Variants in CAGE1 observed in about 807,000 individuals in gnomAD.
CAGE1 encodes the protein cancer-associated gene 1 protein.
In CAGE1, 66 loss-of-function variants were observed where a neutral mutation model predicts 94.9. That is an observed-to-expected ratio of 0.70 (90% CI 0.57 to 0.85). The LOEUF (loss-of-function observed/expected upper bound fraction) is 0.85. CAGE1 is among the 40% of genes least tolerant of loss of function. CAGE1 has a pLI of 0.00. For synonymous variants in CAGE1, 319 were observed against 321.0 expected (o/e 0.99, Z 0.07); for missense variants, 865 against 950.4 (o/e 0.91, Z 1.18).
intron 9 of CAGE1, among the ~76,000 whole-genome samples, chr6:7,363,507 C>G (rs958758291): frequency 6.6e-6 from 1 of 152,160 alleles, no homozygotes; most frequent in Non-Finnish European, 1.5e-5. Flanking sequence ...CAGTTATTCC[C>G]TCTCCTTCCC....
intron 9 of CAGE1, among the ~76,000 whole-genome samples, chr6:7,364,624 G>A (rs1014341839): frequency 3.3e-5 from 5 of 151,824 alleles, no homozygotes; most frequent in Admixed American, 6.6e-5. Flanking sequence ...GCCTGCCACC[G>A]CGCCCGGCTA....
intron 11 of CAGE1, among the ~76,000 whole-genome samples, chr6:7,351,382 G>A (rs1007100707): frequency 6.6e-6 from 1 of 151,958 alleles, no homozygotes; most frequent in African/African-American, 2.4e-5. Context: ...AAGAAGAATT[G>A]GTAGCAATCC....
intron 11 of CAGE1, among the ~76,000 whole-genome samples, chr6:7,348,750 A>G (rs1189327983): frequency 6.6e-6 from 1 of 152,218 alleles, no homozygotes; most frequent in Admixed American, 6.5e-5. Context: ...GGACACACTT[A>G]TAGAAATGCA....
In CAGE1 at chr6:7,339,661, TATG is replaced by T. The variant is rs922361571; in HGVS notation, c.2370-5574_2370-5572del. The T allele has an allele frequency of 4.3e-5, 26 of 599,426 alleles. No homozygotes were observed. In the African/African-American group the frequency reaches 4.8e-4, roughly 11 times the overall value. The allele number at this position is 599,426 out of a possible 1,614,324, so 37.1% of individuals were successfully genotyped here. ...TAGCTCCCACTTATGAGTGAGAACA[TATG>T]ATGTTTGGTTTTCCATTCCTGAGCT... On this transcript the variant is annotated intron_variant, in intron 11 of 13. Transcript: ENST00000502583. This position sits in a 1 kb window ranked among gnomAD's most constrained non-coding sequence, Gnocchi z 4.7.
At chr6:7,329,453 C>T (rs962179048) in intron 13 of CAGE1, among the ~76,000 whole-genome samples, 4 of 152,094 alleles carry the variant, frequency 2.6e-5, no homozygotes, top group African/African-American at 9.7e-5. Context: ...TGATTGGGAA[C>T]CACTGAAGGG....
rs1761251533 is a variant in CAGE1, at chr6:7,389,319, A to G, written c.-141T>C. On this transcript the variant is annotated 5_prime_UTR_variant, in exon 1 of 14. Transcript: ENST00000502583. ...ATAGTTTCTTGGACCCACGCTACGG[A>G]CCTGGCTCTCCCTCCCTCTGCACCG... 2.0e-5 allele frequency: 9 copies of G among 456,112 alleles called. No homozygotes were observed. The allele number at this position is 456,112 out of a possible 1,614,324, so 28.3% of individuals were successfully genotyped here.
chr6:7,369,027 G>A (rs1434624338), intron 6 of CAGE1, among the ~76,000 whole-genome samples: 2 of 115,222 alleles, frequency 1.7e-5, no homozygotes, highest in East Asian at 4.9e-4. Flanking sequence ...TTTTTTTTTT[G>A]AGATAGAGTT....
rs148915006 is a variant in CAGE1, at chr6:7,339,581, C to T, written c.2370-5491G>A. 1,501 of 748,332 alleles carry T rather than the reference C, an allele frequency of 2.0e-3. 4 individuals are homozygous for T. Among genetic ancestry groups the T allele is most frequent in the Admixed American group, 3.0e-3 (169 of 55,796 alleles). The allele number at this position is 748,332 out of a possible 1,614,324, so 46.4% of individuals were successfully genotyped here. A position where few individuals can be genotyped will look rare whatever the true frequency, so the allele number is the denominator to read the frequency against. ...TTTGTAAGGCGATCTTGCCGCCATGCTCCGCTGAAAGGAAAGGCACTGTAT... is the reference window on the plus strand; with the variant it reads ...TTTGTAAGGCGATCTTGCCGCCATGTTCCGCTGAAAGGAAAGGCACTGTAT... On this transcript the variant is annotated intron_variant, in intron 11 of 13. Coordinates refer to ENST00000502583, the MANE Select transcript of CAGE1 (RefSeq NM_001170692.2). This position sits in a 1 kb window ranked among gnomAD's most constrained non-coding sequence, Gnocchi z 4.7.
At chr6:7,330,364 G>A (rs945269074) in intron 12 of CAGE1, among the ~76,000 whole-genome samples, 8 of 152,176 alleles carry the variant, frequency 5.3e-5, no homozygotes, top group Non-Finnish European at 1.2e-4. Context: ...TGCAGCCTGG[G>A]TAGCAGAGTG....
intron 11 of CAGE1, among the ~76,000 whole-genome samples, chr6:7,335,013 C>A (rs541428135): frequency 6.6e-6 from 1 of 152,172 alleles, no homozygotes; most frequent in East Asian, 1.9e-4. Context: ...TCTAGAAGCT[C>A]GAGAGGAGAA....
intron 4 of CAGE1, among the ~76,000 whole-genome samples, chr6:7,375,792 A>G (rs1760721056): frequency 6.6e-6 from 1 of 152,208 alleles, no homozygotes; most frequent in South Asian, 2.1e-4. Context: ...TGGAATTTAG[A>G]GACAAGGACT....
chr6:7,329,971 T>TTA, intron 12 of CAGE1, 83 bp from the exon 13 acceptor site: 1 of 636,600 alleles, frequency 1.6e-6, no homozygotes, highest in South Asian at 1.9e-5. Flanking sequence ...TTGCCATTAT[T>TTA]TAGCATATTT....
intron 1 of CAGE1, among the ~76,000 whole-genome samples, chr6:7,388,032 C>CAAAAA (rs70978963): frequency 4.6e-5 from 3 of 64,938 alleles, no homozygotes; most frequent in Non-Finnish European, 6.0e-5. Context: ...GACTCCATCT[C>CAAAAA]AAAAAAAAAA....
intron 12 of CAGE1, among the ~76,000 whole-genome samples, chr6:7,332,883 G>C (rs1184955543): frequency 1.3e-5 from 2 of 152,148 alleles, no homozygotes; most frequent in Non-Finnish European, 2.9e-5. Context: ...ACTGGTAACA[G>C]TGTTATTAGC....
chr6:7,346,273 G>C (rs1010795216), intron 11 of CAGE1, among the ~76,000 whole-genome samples: 1 of 152,194 alleles, frequency 6.6e-6, no homozygotes, highest in Non-Finnish European at 1.5e-5. Context: ...AAGTAAATCA[G>C]GGCGGGTGCA....
intron 9 of CAGE1, among the ~76,000 whole-genome samples, chr6:7,358,852 T>A (rs1289726002): frequency 1.3e-5 from 2 of 152,082 alleles, no homozygotes; most frequent in East Asian, 3.8e-4. Flanking sequence ...AGGAGTAGAA[T>A]AATGGTAGGT....
chr6:7,356,750 T>C (rs1025368910), intron 9 of CAGE1, among the ~76,000 whole-genome samples: 1 of 152,186 alleles, frequency 6.6e-6, no homozygotes, highest in Non-Finnish European at 1.5e-5. Context: ...GAAGAAAAAC[T>C]ATAAACATGA....
intron 13 of CAGE1, 134 bp downstream of exon 13, chr6:7,329,715 C>T: frequency 1.8e-6 from 1 of 556,864 alleles, no homozygotes; most frequent in Non-Finnish European, 3.3e-6. Context: ...GAAGAGCCCT[C>T]ATCTGAAGAC....
intron 11 of CAGE1, among the ~76,000 whole-genome samples, chr6:7,348,035 C>T (rs143367063): frequency 1.5e-3 from 235 of 152,180 alleles, no homozygotes; most frequent in Middle Eastern, 0.014. Context: ...TTCTAGGGCC[C>T]TGCTCACCAC....
Sources: gnomAD v4.1 joint callset for allele counts (sites outside exome capture counted in the v4.1 genomes callset) on GRCh38, gnomAD v4.1.1 for gene constraint, Gnocchi (gnomAD v3.1) non-coding constraint, MANE v1.5 for transcripts, NCBI Gene and HGNC (gene_info 2026-07-23, HGNC 2026-07-21) for gene names.